CAPN3: variants seen among roughly 807,000 people sequenced by gnomAD.
CAPN3 encodes the protein calpain 3, also known as calpain-3.
CAPN3 carries 88 observed loss-of-function variants against 114.0 expected under a neutral mutation model. The ratio of observed to expected loss-of-function variants is 0.77; its 90% CI spans 0.65 to 0.92. The LOEUF is 0.92. Among genes scored for constraint, CAPN3 ranks in the 40% least tolerant of loss-of-function variants. The pLI, the probability that CAPN3 is intolerant of heterozygous loss-of-function variation, is 0.00. For synonymous variants in CAPN3, 386 were observed against 382.9 expected (o/e 1.01, Z -0.09); for missense variants, 1,028 against 1,069.0 (o/e 0.96, Z 0.53).
At chr15:42,409,200 C>G in intron 16 of CAPN3, 103 bp from the exon 17 acceptor site, 1 of 1,024,044 alleles carries the variant, frequency 9.8e-7, no homozygotes, top group Non-Finnish European at 1.5e-6. Context: ...GCTGCCACCT[C>G]CGGCCGTTTT....
intron 13 of CAPN3, 99 bp from the exon 14 acceptor site, chr15:42,403,642 G>T: frequency 6.1e-6 from 7 of 1,138,648 alleles, no homozygotes; most frequent in East Asian, 2.3e-5. Flanking sequence ...GCTGGTTCTG[G>T]CTTGGCTGCC....
At position 42,411,827 on chromosome 15, in the gene CAPN3, C is replaced by T; in HGVS notation, c.*54C>T. The T allele has an allele frequency of 6.2e-7, 1 of 1,613,762 alleles. No individual in the cohort carries two copies. The highest frequency in any genetic ancestry group is 1.1e-5 in the South Asian group (1 of 91,040). ...AGGATCACTCAGGATTTCAGTTTCA[C>T]CCTCTATTTCCAAAGCCATTTACCT... On this transcript the variant is annotated 3_prime_UTR_variant, in exon 24 of 24. Coordinates refer to ENST00000397163, the MANE Select transcript of CAPN3 (RefSeq NM_000070.3).
intron 5 of CAPN3, among the ~76,000 whole-genome samples, 191 bp downstream of exon 5, chr15:42,389,287 G>C (rs573537566): frequency 3.9e-4 from 59 of 152,302 alleles, no homozygotes; most frequent in African/African-American, 1.2e-3. Context: ...TTTCAATAAA[G>C]ACACTGGTCA....
intron 5 of CAPN3, among the ~76,000 whole-genome samples, chr15:42,389,745 C>T (rs985661482): frequency 1.2e-4 from 19 of 152,184 alleles, no homozygotes; most frequent in Admixed American, 6.5e-5. Context: ...CAATGGACAG[C>T]TTGGAAGGTC....
Position 42,376,443 on chromosome 15 carries a change from C to T in CAPN3, c.310-8040C>T, listed in dbSNP as rs148842182. ...ATGGATCTTGATTTTTATTTTAAGT[C>T]GTAATCCAATACTGCTTTATTTTGT... On this transcript the variant is annotated intron_variant, in intron 1 of 23. Transcript: ENST00000397163. Among the ~76,000 whole-genome samples, 1,344 of 152,186 alleles carry T rather than the reference C, an allele frequency of 8.8e-3. 3 individuals carry two copies. Among genetic ancestry groups the T allele is most frequent in the Non-Finnish European group, 0.012 (815 of 68,016 alleles).
At chr15:42,401,846 T>C in intron 11 of CAPN3, 36 bp downstream of exon 11, 1 of 1,597,644 alleles carries the variant, frequency 6.3e-7, no homozygotes, top group Non-Finnish European at 8.5e-7. Context: ...CCAGGAAACA[T>C]ACTTTCCCAG....
At chr15:42,398,590 T>TACACACACACAC (rs376966106) in intron 9 of CAPN3, among the ~76,000 whole-genome samples, 5 of 120,346 alleles carry the variant, frequency 4.2e-5, no homozygotes, top group South Asian at 2.8e-4. Flanking sequence ...TCTCAAAAAA[T>TACACACACACAC]ACACACACAC....
chr15:42,384,379 T>C (rs1410577982), intron 1 of CAPN3, 104 bp from the exon 2 acceptor site: 2 of 848,556 alleles, frequency 2.4e-6, no homozygotes, highest in Admixed American at 1.8e-5. Flanking sequence ...ACCAGTGCAC[T>C]GCAGCCTGGC....
chr15:42,367,468 A>G (rs2052818440), intron 1 of CAPN3, among the ~76,000 whole-genome samples: 1 of 152,218 alleles, frequency 6.6e-6, no homozygotes, highest in Non-Finnish European at 1.5e-5. Flanking sequence ...CTTCAAGTTT[A>G]AACAATCACC....
intron 1 of CAPN3, among the ~76,000 whole-genome samples, chr15:42,383,327 G>A (rs142025895): frequency 3.3e-5 from 5 of 152,176 alleles, no homozygotes; most frequent in African/African-American, 7.2e-5. Context: ...GGTGGCTCAC[G>A]CCTGTAATCC....
rs1801496 is a variant in CAPN3, at chr15:42,359,901, T to C, written c.96T>C (p.Thr32=). The C allele has an allele frequency of 0.087, 140,821 of 1,614,140 alleles. 7,349 individuals are homozygous for C. Among genetic ancestry groups the C allele is most frequent in the South Asian group, 0.2 (17,893 of 91,086 alleles). ...CTCACCCGGCCCAGAGCAAGGCCAC[T>C]GAGGCTGGGGGTGGAAACCCAAGTG... The part of the protein sequence containing the change: ...PVPHPAQSKA[T]EAGGGNPSGI... Residue 32 remains threonine (T), a synonymous_variant, in exon 1 of 24, where the codon ACT becomes ACC. Transcript: ENST00000397163.
intron 22 of CAPN3, 72 bp downstream of exon 22, chr15:42,411,072 A>C: frequency 8.0e-7 from 1 of 1,250,912 alleles, no homozygotes; most frequent in Non-Finnish European, 1.2e-6. Context: ...CTCACCTGAT[A>C]ATCTCCAGTC....
At position 42,402,876 on chromosome 15, in the gene CAPN3, T is replaced by C. The variant is rs550117224; in HGVS notation, c.1619T>C (p.Met540Thr). 1.2e-5 allele frequency: 19 copies of C among 1,614,188 alleles called. No individual in the cohort carries two copies. The highest frequency in any genetic ancestry group is 8.9e-5 in the East Asian group (4 of 44,882). Residue 540 changes from methionine (M) to threonine (T), a missense_variant, in exon 13 of 24, where the codon ATG becomes ACG. Transcript: ENST00000397163. ...GCCAGGAGCAAAACCTACATCAACA[T>C]GCGGGAGGTGTCCCAGCGCTTCCGC... ...SKARSKTYIN[M>T]REVSQRFRLP...
In CAPN3 at chr15:42,388,956, G is replaced by A. The variant is rs1432632972; in HGVS notation, c.661G>A (p.Gly221Ser). 2 of 1,614,068 alleles carry A rather than the reference G, an allele frequency of 1.2e-6. No individual in the cohort carries two copies. The highest frequency in any genetic ancestry group is 1.3e-5 in the African/African-American group (1 of 75,028). The part of the protein sequence containing the change: ...KLHGSYEALK[G>S]GNTTEAMEDF... ...CCATGGTTCCTACGAAGCTCTGAAA[G>A]GTGGGAACACCACAGAGGCCATGGA... Residue 221 changes from glycine to serine, a missense_variant, in exon 5 of 24, where the codon GGT becomes AGT. Gly to Ser is a moderately conservative substitution (Grantham distance 56, BLOSUM62 0). Transcript: ENST00000397163.
At chr15:42,377,380 T>C (rs1265484516) in intron 1 of CAPN3, among the ~76,000 whole-genome samples, 2 of 152,220 alleles carry the variant, frequency 1.3e-5, no homozygotes, top group Non-Finnish European at 2.9e-5. Context: ...TTTTTTTAAA[T>C]CATGAATGGG....
chr15:42,412,022 G>A lies in CAPN3; in HGVS notation c.*249G>A, dbSNP rs1387107621. The A allele has an allele frequency of 6.6e-7, 1 of 1,510,020 alleles. No homozygotes were observed. The highest frequency in any genetic ancestry group is 8.8e-7 in the Non-Finnish European group (1 of 1,133,388). The allele number at this position is 1,510,020 out of a possible 1,614,324, so 93.5% of individuals were successfully genotyped here. Reference sequence around the variant, plus strand: ...TTGTCCCTTTGCCATGTGGAGGAAAGTGCCTGCCTCTGGTCCGAGCCGCCT... The same window carrying A: ...TTGTCCCTTTGCCATGTGGAGGAAAATGCCTGCCTCTGGTCCGAGCCGCCT... On this transcript the variant is annotated 3_prime_UTR_variant, in exon 24 of 24. Coordinates refer to ENST00000397163, the MANE Select transcript of CAPN3 (RefSeq NM_000070.3).
intron 6 of CAPN3, among the ~76,000 whole-genome samples, chr15:42,391,486 G>C (rs1460898857): frequency 6.6e-6 from 1 of 152,188 alleles, no homozygotes; most frequent in East Asian, 1.9e-4. Context: ...AGATCTGGAA[G>C]AGACTGAGAT....
At chr15:42,365,963 G>A (rs1377184764) in intron 1 of CAPN3, among the ~76,000 whole-genome samples, 1 of 152,158 alleles carries the variant, frequency 6.6e-6, no homozygotes, top group Non-Finnish European at 1.5e-5. Flanking sequence ...GTTTAGATAA[G>A]TTTCCCAAGC....
At chr15:42,380,751 A>ATATATATAT (rs1436943739) in intron 1 of CAPN3, among the ~76,000 whole-genome samples, 1 of 64,458 alleles carries the variant, frequency 1.6e-5, no homozygotes, top group African/African-American at 8.9e-5. Flanking sequence ...ATATATATAT[A>ATATATATAT]TTTTTTTTTT....
Sources: allele counts gnomAD v4.1 joint callset (sites outside exome capture counted in the v4.1 genomes callset), GRCh38; gene constraint gnomAD v4.1.1; transcripts MANE v1.5; gene names NCBI Gene and HGNC (gene_info 2026-07-23, HGNC 2026-07-21).